Variants in TRIM51 observed in about 807,000 individuals in gnomAD.
The protein encoded by TRIM51 is tripartite motif-containing protein 51.
In TRIM51, 23 loss-of-function variants were observed where a neutral mutation model predicts 32.7. The observed-to-expected ratio is 0.70, with a 90% confidence interval of 0.51 to 1.00. The LOEUF (loss-of-function observed/expected upper bound fraction) is 1.00, where lower values mean the gene tolerates loss of function less well. Ranked by LOEUF, TRIM51 falls within the 50% of genes least tolerant of loss-of-function variation. TRIM51 has a pLI of 0.00. For synonymous variants in TRIM51, 177 were observed against 181.9 expected (o/e 0.97, Z 0.22); for missense variants, 592 against 539.2 (o/e 1.10, Z -0.97).
intron 5 of TRIM51, 112 bp from the exon 6 acceptor site, chr11:55,889,830 A>C (rs1854624770): frequency 1.4e-6 from 1 of 724,410 alleles, no homozygotes; most frequent in African/African-American, 1.8e-5. Context: ...TTTTGGAATT[A>C]GCAAATGTGT....
At position 55,883,381 on chromosome 11, in the gene TRIM51, T is replaced by C. The variant is rs1268873084; in HGVS notation, c.-8T>C. The C allele has an allele frequency of 6.6e-6, 1 of 152,180 alleles. No homozygotes were observed. Among genetic ancestry groups the C allele is most frequent in the Non-Finnish European group, 1.5e-5 (1 of 68,034 alleles). 9.4% of individuals were successfully genotyped at this position (152,180 alleles called of 1,614,324 possible). A position where few individuals can be genotyped will look rare whatever the true frequency, so the allele number is the denominator to read the frequency against. ...ACTGCAGGAAACATTCATAGAACCT[T>C]GGGGTGAGTGCAACTTCTATGGAGA... On this transcript the variant is annotated 5_prime_UTR_variant, in exon 1 of 7. Coordinates refer to ENST00000449290, the MANE Select transcript of TRIM51 (RefSeq NM_032681.4).
chr11:55,887,935 G>A (rs969259202), intron 3 of TRIM51, 97 bp from the exon 4 acceptor site: 2 of 906,070 alleles, frequency 2.2e-6, no homozygotes, highest in African/African-American at 1.7e-5. Flanking sequence ...ACAAGATTGA[G>A]GATTAAAATA....
intron 3 of TRIM51, among the ~76,000 whole-genome samples, chr11:55,887,771 T>C (rs1854595224): frequency 3.3e-5 from 5 of 152,130 alleles, no homozygotes; most frequent in Admixed American, 3.3e-4. Context: ...TTTCTATAAA[T>C]GTGGTGTGGA....
At chr11:55,887,344 A>C (rs1186717514) in intron 3 of TRIM51, among the ~76,000 whole-genome samples, 1 of 150,190 alleles carries the variant, frequency 6.7e-6, no homozygotes, top group Non-Finnish European at 1.5e-5. Context: ...GAATATATAT[A>C]TACACACACA....
At chr11:55,890,897 C>A (rs527758494) in intron 6 of TRIM51, among the ~76,000 whole-genome samples, 22 of 151,926 alleles carry the variant, frequency 1.4e-4, no homozygotes, top group Non-Finnish European at 2.6e-4. Context: ...GTCTTATATT[C>A]GACTCTCAAT....
intron 4 of TRIM51, 90 bp from the exon 5 acceptor site, chr11:55,888,889 T>C (rs1421545473): frequency 1.1e-5 from 13 of 1,205,690 alleles, no homozygotes; most frequent in African/African-American, 1.5e-5. Context: ...AATAGTATCT[T>C]CAGAAACTGT....
chr11:55,886,394 G>A (rs567645582), intron 3 of TRIM51, among the ~76,000 whole-genome samples, 176 bp downstream of exon 3: 7 of 152,256 alleles, frequency 4.6e-5, no homozygotes, highest in Admixed American at 2.6e-4. Context: ...TCTTTGGTAG[G>A]ATATCTAATC....
chr11:55,888,857 C>G, intron 4 of TRIM51, 122 bp from the exon 5 acceptor site: 1 of 875,484 alleles, frequency 1.1e-6, no homozygotes, highest in South Asian at 1.4e-5. Flanking sequence ...AAAATGCTTT[C>G]CAGGAGGGAA....
rs1365840215 is a variant in TRIM51 at position 55,887,691 on chromosome 11, T to C, written c.508-341T>C. On this transcript the variant is annotated intron_variant, in intron 3 of 6. Transcript: ENST00000449290. ...CATAACTTGCCCCAGTTCTCCAAAGTAGAAATAATGGTTTCTTACCTAGTC... is the reference window on the plus strand; with the variant it reads ...CATAACTTGCCCCAGTTCTCCAAAGCAGAAATAATGGTTTCTTACCTAGTC... Among the ~76,000 whole-genome samples the C allele has an allele frequency of 3.3e-5, 5 of 152,128 alleles. No homozygotes were observed. In the East Asian group the frequency reaches 5.8e-4, roughly 18 times the overall value.
At chr11:55,889,072 A>G in intron 5 of TRIM51, 71 bp downstream of exon 5, 1 of 1,350,614 alleles carries the variant, frequency 7.4e-7, no homozygotes, top group Non-Finnish European at 1.1e-6. Context: ...TTTGATATTG[A>G]AGGTATAATT....
At chr11:55,888,533 T>C (rs571996649) in intron 4 of TRIM51, among the ~76,000 whole-genome samples, 92 of 152,256 alleles carry the variant, frequency 6.0e-4, no homozygotes, top group African/African-American at 2.2e-3. Flanking sequence ...CAAAAGTCAC[T>C]GATTAATTTA....
intron 4 of TRIM51, 77 bp downstream of exon 4, chr11:55,888,339 C>G: frequency 2.8e-6 from 3 of 1,080,158 alleles, no homozygotes; most frequent in Non-Finnish European, 4.3e-6. Flanking sequence ...TGAACTCCGT[C>G]TCCCCCTTCA....
Position 55,888,189 on chromosome 11 carries a change from C to T in TRIM51, c.665C>T (p.Ser222Phe). 1 of 1,613,566 alleles carries T rather than the reference C, an allele frequency of 6.2e-7. No homozygotes were observed. Among genetic ancestry groups the T allele is most frequent in the Non-Finnish European group, 8.5e-7 (1 of 1,179,634 alleles). Residue 222 changes from serine to phenylalanine, a missense_variant, in exon 4 of 7, where the codon TCC (serine) becomes TTC (phenylalanine). By Grantham distance (155) the Ser-to-Phe change is radical. Coordinates refer to ENST00000449290, the MANE Select transcript of TRIM51 (RefSeq NM_032681.4). ...LNESKARMEHSRELLRGMYED... is the reference protein window; with the variant it reads ...LNESKARMEHFRELLRGMYED... Reference sequence around the variant, plus strand: ...GAAAGCAAAGCCAGAATGGAACATTCCAGGGAGCTTTTAAGAGGAATGTAT... The same window carrying T: ...GAAAGCAAAGCCAGAATGGAACATTTCAGGGAGCTTTTAAGAGGAATGTAT...
chr11:55,883,480 G>T lies in TRIM51; in HGVS notation c.-5+96G>T, dbSNP rs141475510. On this transcript the variant is annotated intron_variant, in intron 1 of 6. Coordinates refer to ENST00000449290, the MANE Select transcript of TRIM51 (RefSeq NM_032681.4). ...ATCTAACTGTCTAAACTTACCGAATGATCTTATTTGTAACTCATATTATTG... is the reference window on the plus strand; with the variant it reads ...ATCTAACTGTCTAAACTTACCGAATTATCTTATTTGTAACTCATATTATTG... 584 of 152,216 alleles carry T rather than the reference G, an allele frequency of 3.8e-3. 7 individuals are homozygous for T. The highest frequency in any genetic ancestry group is 0.013 in the African/African-American group (555 of 41,526). 9.4% of individuals were successfully genotyped at this position (152,216 alleles called of 1,614,324 possible).
At position 55,888,177 on chromosome 11, in the gene TRIM51, G is replaced by T; in HGVS notation, c.653G>T (p.Arg218Ile). 1 of 1,613,706 alleles carries T rather than the reference G, an allele frequency of 6.2e-7. No homozygotes were observed. The highest frequency in any genetic ancestry group is 1.1e-5 in the South Asian group (1 of 91,072). Residue 218 changes from arginine to isoleucine, a missense_variant, in exon 4 of 7, where the codon AGA becomes ATA. Physicochemically the swap from Arg to Ile is moderately conservative, Grantham distance 97. Transcript: ENST00000449290. The part of the protein sequence containing the change: ...IFQQLNESKA[R>I]MEHSRELLRG... ...CAGCAACTCAATGAAAGCAAAGCCA[G>T]AATGGAACATTCCAGGGAGCTTTTA...
intron 3 of TRIM51, among the ~76,000 whole-genome samples, chr11:55,886,458 A>T (rs968055827): frequency 1.3e-5 from 2 of 152,146 alleles, no homozygotes; most frequent in African/African-American, 2.4e-5. Context: ...AACCTATAGC[A>T]ATACCCCAGC....
Position 55,885,621 on chromosome 11 carries a change from A to C in TRIM51, c.193A>C (p.Asn65His), listed in dbSNP as rs1459815438. The change falls in exon 2 of 7, where the codon AAC becomes CAC. Residue 65 changes from asparagine (N) to histidine (H), a missense_variant. Coordinates refer to ENST00000449290, the MANE Select transcript of TRIM51 (RefSeq NM_032681.4). ...CKKTTRQRNL[N>H]TDICLKNMAF... ...GAAGACAACGCGGCAGAGAAACCTC[A>C]ACACTGACATTTGTTTGAAGAACAT... 3.1e-6 allele frequency: 5 copies of C among 1,611,116 alleles called. No individual in the cohort carries two copies. Among genetic ancestry groups the C allele is most frequent in the Non-Finnish European group, 4.2e-6 (5 of 1,179,360 alleles).
chr11:55,889,790 T>A, intron 5 of TRIM51, 152 bp from the exon 6 acceptor site: 1 of 629,246 alleles, frequency 1.6e-6, no homozygotes, highest in South Asian at 1.9e-5. Context: ...GAACTGTGAA[T>A]AAGAATGGAT....
At position 55,888,020 on chromosome 11, in the gene TRIM51, T is replaced by A. The variant is rs774508547; in HGVS notation, c.508-12T>A. ...GGTAAAACATTTCTATTTTGACTAA[T>A]TGTCACTGCAGGATTATGTGAGTTT... On this transcript the variant is annotated splice_polypyrimidine_tract_variant and intron_variant, in intron 3 of 6. Transcript: ENST00000449290. The A allele has an allele frequency of 6.6e-7, 1 of 1,523,186 alleles. No individual in the cohort carries two copies. Among genetic ancestry groups the A allele is most frequent in the African/African-American group, 1.4e-5 (1 of 73,208 alleles). 94.4% of individuals were successfully genotyped at this position (1,523,186 alleles called of 1,614,324 possible). A position where few individuals can be genotyped will look rare whatever the true frequency, so the allele number is the denominator to read the frequency against.
Sources: allele counts gnomAD v4.1 joint callset (sites outside exome capture counted in the v4.1 genomes callset), GRCh38; gene constraint gnomAD v4.1.1; transcripts MANE v1.5; gene names NCBI Gene and HGNC (gene_info 2026-07-23, HGNC 2026-07-21).